The following AVL9 variants were observed in gnomAD, a reference collection of about 807,000 sequenced individuals.
AVL9 encodes the protein AVL9 cell migration associated.
Under a neutral mutation model 79.2 loss-of-function variants are expected in AVL9, and 49 were observed. That is an observed-to-expected ratio of 0.62 (90% CI 0.49 to 0.79). AVL9 has a LOEUF of 0.79. Among genes scored for constraint, AVL9 ranks in the 30% least tolerant of loss-of-function variants. AVL9 has a pLI of 0.00. For synonymous variants in AVL9, 299 were observed against 280.6 expected (o/e 1.07, Z -0.65); for missense variants, 682 against 776.8 (o/e 0.88, Z 1.45).
intron 1 of AVL9, among the ~76,000 whole-genome samples, chr7:32,528,968 C>T (rs1788521822): frequency 6.6e-6 from 1 of 152,164 alleles, no homozygotes; most frequent in African/African-American, 2.4e-5. Flanking sequence ...CAAGATCGCG[C>T]CACTGCACTC....
chr7:32,509,781 T>G (rs1182482463), intron 1 of AVL9, among the ~76,000 whole-genome samples: 5 of 151,844 alleles, frequency 3.3e-5, no homozygotes, highest in Middle Eastern at 3.2e-3. Flanking sequence ...AACTGAGAGG[T>G]GGAGGTTGCA....
intron 1 of AVL9, among the ~76,000 whole-genome samples, chr7:32,540,871 C>CTT (rs749306635): frequency 1.1e-4 from 8 of 72,470 alleles, no homozygotes; most frequent in African/African-American, 1.4e-4. Context: ...TGTTGTACTA[C>CTT]TTTTTTTTTT....
At chr7:32,582,531 A>G (rs570049210) in intron 15 of AVL9, among the ~76,000 whole-genome samples, 1 of 152,340 alleles carries the variant, frequency 6.6e-6, no homozygotes, top group East Asian at 1.9e-4. Context: ...TAGAAAAACT[A>G]TGCTATATTA....
chr7:32,521,156 C>A (rs1179297583), intron 1 of AVL9, among the ~76,000 whole-genome samples: 1 of 152,110 alleles, frequency 6.6e-6, no homozygotes, highest in Non-Finnish European at 1.5e-5. Flanking sequence ...CGAAAACAGA[C>A]TAATACAGTA....
Position 32,526,767 on chromosome 7 carries a change from T to C in AVL9, c.94-16374T>C, listed in dbSNP as rs540175333. On this transcript the variant is annotated intron_variant, in intron 1 of 15. Transcript: ENST00000318709. ...GGTTTCATACACATTATAGGGTGAG[T>C]AGGGCAGGGTTTGTTGGGTGAAAGG... 6.6e-4 allele frequency among the ~76,000 whole-genome samples: 100 copies of C among 151,972 alleles called. 1 individual carries two copies. Among genetic ancestry groups the C allele is most frequent in the African/African-American group, 2.3e-3 (95 of 41,432 alleles).
chr7:32,564,322 C>T (rs1319715797), intron 10 of AVL9, among the ~76,000 whole-genome samples: 3 of 152,156 alleles, frequency 2.0e-5, no homozygotes, highest in East Asian at 1.9e-4. Context: ...ATCACAGTTT[C>T]AAATGCCAAT....
intron 1 of AVL9, among the ~76,000 whole-genome samples, chr7:32,519,473 C>A (rs966651811): frequency 6.6e-5 from 10 of 151,144 alleles, no homozygotes; most frequent in Non-Finnish European, 1.5e-4. Context: ...CAGACTGATA[C>A]AAGCTAGTTC....
In AVL9 at chr7:32,543,277, G is replaced by T; in HGVS notation, c.214+16G>T. On this transcript the variant is annotated intron_variant, in intron 2 of 15. Transcript: ENST00000318709. ...TACCAGGAAGGTATGTAACAAGACAGTGAAGCAGTTAGGTGCCATTTTTGA... is the reference window on the plus strand; with the variant it reads ...TACCAGGAAGGTATGTAACAAGACATTGAAGCAGTTAGGTGCCATTTTTGA... 6.2e-7 allele frequency: 1 copy of T among 1,609,234 alleles called. No individual in the cohort carries two copies. The highest frequency in any genetic ancestry group is 8.5e-7 in the Non-Finnish European group (1 of 1,178,644).
intron 11 of AVL9, among the ~76,000 whole-genome samples, 166 bp from the exon 12 acceptor site, chr7:32,573,029 TAGAA>T (rs546868499): frequency 2.0e-4 from 31 of 152,270 alleles, no homozygotes; most frequent in Non-Finnish European, 2.2e-4. Context: ...ATTTTATAAA[TAGAA>T]AGAAAACTTC....
intron 10 of AVL9, among the ~76,000 whole-genome samples, chr7:32,567,633 TC>T (rs1790642010): frequency 6.6e-6 from 1 of 152,150 alleles, no homozygotes; most frequent in Non-Finnish European, 1.5e-5. Flanking sequence ...ATGCATATTT[TC>T]CCCTCCCTTT....
chr7:32,512,612 C>T (rs1347203808), intron 1 of AVL9, among the ~76,000 whole-genome samples: 2 of 152,118 alleles, frequency 1.3e-5, no homozygotes, highest in African/African-American at 4.8e-5. Flanking sequence ...TAGCTTACCT[C>T]GTAGTTCCTG....
intron 1 of AVL9, among the ~76,000 whole-genome samples, chr7:32,515,754 G>C (rs1018462469): frequency 1.2e-4 from 18 of 152,060 alleles, no homozygotes; most frequent in Admixed American, 1.2e-3. Context: ...TTGGGTTTTT[G>C]TTGTTGTTTG....
chr7:32,529,017 A>C (rs1788524544), intron 1 of AVL9, among the ~76,000 whole-genome samples: 1 of 152,194 alleles, frequency 6.6e-6, no homozygotes, highest in Non-Finnish European at 1.5e-5. Context: ...CTCAAAAAAC[A>C]AAAAAATGTT....
chr7:32,575,916 A>G (rs771440765), intron 12 of AVL9, 39 bp from the exon 13 acceptor site: 7 of 1,423,496 alleles, frequency 4.9e-6, no homozygotes, highest in Non-Finnish European at 4.0e-6. Context: ...CTGAATGGCT[A>G]CAGCCCAGCT....
At chr7:32,569,925 T>C in intron 10 of AVL9, 95 bp from the exon 11 acceptor site, 1 of 1,208,644 alleles carries the variant, frequency 8.3e-7, no homozygotes, top group South Asian at 1.4e-5. Context: ...CAAGGAAGAA[T>C]GGAAGTTTCT....
intron 1 of AVL9, among the ~76,000 whole-genome samples, chr7:32,500,430 G>A (rs1787071937): frequency 1.3e-5 from 2 of 152,038 alleles, no homozygotes; most frequent in South Asian, 2.1e-4. Context: ...TTTTGATGGG[G>A]TTGTTTTTTT....
Position 32,542,484 on chromosome 7 carries a change from A to T in AVL9, c.94-657A>T, listed in dbSNP as rs149871931. On this transcript the variant is annotated intron_variant, in intron 1 of 15. Transcript: ENST00000318709. ...GGCAGGAGAATTGCTTGAGCATGGG[A>T]GACAGAGGTTGCAGTGAGCTGAGAT... Among the ~76,000 whole-genome samples, 1,504 of 152,058 alleles carry T rather than the reference A, an allele frequency of 9.9e-3. 11 individuals carry two copies. Among genetic ancestry groups the T allele is most frequent in the Non-Finnish European group, 0.016 (1,110 of 68,006 alleles).
chr7:32,575,014 C>CA (rs1474119224), intron 12 of AVL9, among the ~76,000 whole-genome samples: 3 of 152,156 alleles, frequency 2.0e-5, no homozygotes, highest in Non-Finnish European at 4.4e-5. Context: ...GCGGAGGAAA[C>CA]ACATATGGAT....
At chr7:32,521,845 G>A (rs1306579655) in intron 1 of AVL9, among the ~76,000 whole-genome samples, 1 of 152,190 alleles carries the variant, frequency 6.6e-6, no homozygotes, top group South Asian at 2.1e-4. Context: ...TCCCCTTGCT[G>A]TGTGCAACCT....
Sources: gnomAD v4.1 joint callset for allele counts (sites outside exome capture counted in the v4.1 genomes callset) on GRCh38, gnomAD v4.1.1 for gene constraint, MANE v1.5 for transcripts, NCBI Gene and HGNC (gene_info 2026-07-23, HGNC 2026-07-21) for gene names.